Variants in RGS12 observed in about 807,000 individuals in gnomAD.
The protein encoded by RGS12 is regulator of G protein signaling 12, also known as regulator of G-protein signaling 12.
In RGS12, 66 loss-of-function variants were observed where a neutral mutation model predicts 120.1. The observed-to-expected ratio is 0.55, with a 90% CI of 0.45 to 0.67. The LOEUF is 0.67. RGS12 is among the 30% of genes least tolerant of loss of function. RGS12 has a pLI of 0.00. For synonymous variants in RGS12, 827 were observed against 804.7 expected (o/e 1.03, Z -0.47); for missense variants, 1,859 against 1,957.7 (o/e 0.95, Z 0.95).
chr4:3,336,868 A>G (rs1712533827), intron 2 of RGS12, among the ~76,000 whole-genome samples: 1 of 152,226 alleles, frequency 6.6e-6, no homozygotes, highest in South Asian at 2.1e-4. Flanking sequence ...ATAACTCAGC[A>G]ACAGGAACAA....
chr4:3,342,731 C>G (rs1354494371), intron 2 of RGS12, among the ~76,000 whole-genome samples: 1 of 151,994 alleles, frequency 6.6e-6, no homozygotes, highest in East Asian at 1.9e-4. Flanking sequence ...CTTGACGATC[C>G]TGGGATGACT....
rs1578710019 is a variant in RGS12 at position 3,316,313 on chromosome 4, T to C, written c.143T>C (p.Met48Thr). ...GCACCCTGTGTGCTCAGCTGCGTCA[T>C]GAGAGGGAGCCCTGCGGATTTCGTG... is the stretch of plus-strand genomic sequence containing the variant. Reference protein sequence around the residue: ...GQAPCVLSCVMRGSPADFVGL... With the variant: ...GQAPCVLSCVTRGSPADFVGL... Residue 48 changes from methionine to threonine, a missense_variant, in exon 2 of 18, where the codon ATG becomes ACG. Around this residue, in one of 3 missense-constraint regions of RGS12, gnomAD observed 967 missense variants for 994.2 expected, o/e 0.97. Coordinates refer to ENST00000336727, the MANE Select transcript of RGS12 (RefSeq NM_001394154.1). 1 of 1,614,066 alleles carries C rather than the reference T, an allele frequency of 6.2e-7. No individual in the cohort carries two copies. Among genetic ancestry groups the C allele is most frequent in the Non-Finnish European group, 8.5e-7 (1 of 1,179,970 alleles).
At chr4:3,409,992 C>T (rs1459262477) in intron 4 of RGS12, among the ~76,000 whole-genome samples, 1 of 152,204 alleles carries the variant, frequency 6.6e-6, no homozygotes, top group Non-Finnish European at 1.5e-5. Context: ...CCCAGCTCAG[C>T]GTGGCTTGTC....
Position 3,342,964 on chromosome 4 carries a change from C to T in RGS12, c.1909C>T (p.Leu637Phe), listed in dbSNP as rs1363144577. The change falls in exon 3 of 18, where the codon CTC (leucine) becomes TTC (phenylalanine). Residue 637 changes from leucine to phenylalanine, a missense_variant. Around this residue, in one of 3 missense-constraint regions of RGS12, gnomAD observed 967 missense variants for 994.2 expected, o/e 0.97. Transcript: ENST00000336727. The part of the protein sequence containing the change: ...KGSKFGRGTG[L>F]TQPSQRTSAR... Reference sequence around the variant, plus strand: ...CTCAAAATTTGGGCGGGGAACTGGACTCACTCAGCCTTCTCAACGCACGTC... The same window carrying T: ...CTCAAAATTTGGGCGGGGAACTGGATTCACTCAGCCTTCTCAACGCACGTC... The T allele has an allele frequency of 3.1e-6, 5 of 1,613,812 alleles. No individual in the cohort carries two copies. Among genetic ancestry groups the T allele is most frequent in the Non-Finnish European group, 4.2e-6 (5 of 1,179,906 alleles).
intron 16 of RGS12, 81 bp downstream of exon 16, chr4:3,428,792 C>A: frequency 8.0e-7 from 1 of 1,242,494 alleles, no homozygotes; most frequent in Non-Finnish European, 1.1e-6. Flanking sequence ...CTGCTTTGAG[C>A]TGTCAGCATC....
chr4:3,336,267 C>A (rs965743283), intron 2 of RGS12, among the ~76,000 whole-genome samples: 5 of 152,210 alleles, frequency 3.3e-5, no homozygotes, highest in Admixed American at 1.3e-4. Context: ...AGCGGCTTCC[C>A]GAGGTTGCTA....
chr4:3,435,236 G>C (rs1724693976), intron 17 of RGS12, among the ~76,000 whole-genome samples: 1 of 152,142 alleles, frequency 6.6e-6, no homozygotes, highest in South Asian at 2.1e-4. Flanking sequence ...CTGGAAGTGA[G>C]GTCACGCCCC....
intron 17 of RGS12, among the ~76,000 whole-genome samples, chr4:3,437,689 C>A (rs1349297794): frequency 6.6e-6 from 1 of 152,190 alleles, no homozygotes. Flanking sequence ...AGCTGCTCCA[C>A]ATGGACCCCT....
intron 2 of RGS12, chr4:3,324,725 GCCT>G (rs1011289416): frequency 3.3e-5 from 5 of 152,350 alleles, no homozygotes; most frequent in African/African-American, 9.6e-5. Context: ...AGGGGCCAGG[GCCT>G]CCTCCTTCCC....
intron 1 of RGS12, among the ~76,000 whole-genome samples, chr4:3,309,707 C>T (rs1007346958): frequency 1.4e-4 from 18 of 131,330 alleles, no homozygotes; most frequent in African/African-American, 4.8e-4. Context: ...AGGGGAGGAG[C>T]TGGGACCTGG....
upstream of RGS12, among the ~76,000 whole-genome samples, chr4:3,291,927 C>T (rs115778476): frequency 8.9e-3 from 1,358 of 152,336 alleles, 21 homozygotes; most frequent in South Asian, 0.03. Flanking sequence ...TTGGTTTCCT[C>T]CTGGGATCCA....
rs1717456402 is a variant in RGS12 at position 3,374,759 on chromosome 4, A to G, written c.1999-11657A>G. Among the ~76,000 whole-genome samples, 1 of 151,894 alleles carries G rather than the reference A, an allele frequency of 6.6e-6. No homozygotes were observed. The highest frequency in any genetic ancestry group is 2.4e-5 in the African/African-American group (1 of 41,356). ...CTCGTCCCCATCTCTTGCCTGGAGC[A>G]CCACAGAGCCTCCAGCTGCCCCTGC... On this transcript the variant is annotated intron_variant, in intron 3 of 17. Transcript: ENST00000336727. The surrounding 1 kb of genome is among the most constrained non-coding windows in gnomAD (Gnocchi z 6.3).
intron 17 of RGS12, among the ~76,000 whole-genome samples, chr4:3,438,705 G>A (rs1725044858): frequency 6.6e-6 from 1 of 152,172 alleles, no homozygotes; most frequent in South Asian, 2.1e-4. Flanking sequence ...GTGCTGGCAA[G>A]GAGATGGCCT....
chr4:3,435,076 G>A lies in RGS12; in HGVS notation c.4114+4121G>A, dbSNP rs190320280. On this transcript the variant is annotated intron_variant, in intron 17 of 17. Transcript: ENST00000336727. ...GGTCCCCTGGGGCAGCTCACTGGGCGGGCTCAGGGGTCACTCAACCTGGAG... is the reference window on the plus strand; with the variant it reads ...GGTCCCCTGGGGCAGCTCACTGGGCAGGCTCAGGGGTCACTCAACCTGGAG... 2.2e-4 allele frequency among the ~76,000 whole-genome samples: 33 copies of A among 152,220 alleles called. No individual in the cohort carries two copies. The East Asian group carries it at 5.8e-3, about 27-fold the overall frequency.
At position 3,439,569 on chromosome 4, in the gene RGS12, C is replaced by T. The variant is rs753382515; in HGVS notation, c.4229C>T (p.Pro1410Leu). Residue 1410 changes from proline to leucine, a missense_variant, in exon 18 of 18, where the codon CCT becomes CTT. Pro to Leu is a moderately conservative substitution (Grantham distance 98, BLOSUM62 -3). Coordinates refer to ENST00000336727, the MANE Select transcript of RGS12 (RefSeq NM_001394154.1). ...DGGIAGAQAG[P>L]GRSQASGGPP... ...GGCATAGCGGGGGCACAGGCTGGCC[C>T]TGGGAGGTCGCAGGCCAGTGGTGGG... 12 of 1,611,712 alleles carry T rather than the reference C, an allele frequency of 7.4e-6. No homozygotes were observed. In the East Asian group the frequency reaches 1.6e-4, roughly 21 times the overall value.
chr4:3,292,306 G>A (rs1191170832), upstream of RGS12, among the ~76,000 whole-genome samples: 2 of 152,212 alleles, frequency 1.3e-5, no homozygotes, highest in Non-Finnish European at 2.9e-5. Flanking sequence ...TCGTGCCAGC[G>A]GTGCCTCCGG....
intron 1 of RGS12, among the ~76,000 whole-genome samples, chr4:3,294,026 G>GCCATGGAGTGTAGAC (rs1553925815): frequency 3.9e-5 from 6 of 152,256 alleles, no homozygotes; most frequent in Admixed American, 6.5e-5. Flanking sequence ...TGTGGACAGA[G>GCCATGGAGTGTAGAC]AGGACCACCT....
At chr4:3,382,284 G>A (rs1718342631) in intron 3 of RGS12, among the ~76,000 whole-genome samples, 1 of 152,124 alleles carries the variant, frequency 6.6e-6, no homozygotes, top group African/African-American at 2.4e-5. Context: ...ATGAAGAAAG[G>A]AACCGCAAGG....
intron 9 of RGS12, chr4:3,420,334 T>G: frequency 2.1e-6 from 1 of 465,732 alleles, no homozygotes; most frequent in Non-Finnish European, 3.9e-6. Flanking sequence ...CGTACTGATG[T>G]GATTTGTTGG....
Sources: allele counts gnomAD v4.1 joint callset (sites outside exome capture counted in the v4.1 genomes callset), GRCh38; gene constraint gnomAD v4.1.1; regional missense constraint gnomAD v4.1.1; non-coding constraint Gnocchi (gnomAD v3.1); transcripts MANE v1.5; gene names NCBI Gene and HGNC (gene_info 2026-07-23, HGNC 2026-07-21).